Variants in RASGEF1C observed in about 807,000 individuals in gnomAD.
RASGEF1C encodes the protein ras-GEF domain-containing family member 1C.
In RASGEF1C, 27 loss-of-function variants were observed where a neutral mutation model predicts 58.1. That is an observed-to-expected ratio of 0.46 (90% confidence interval 0.34 to 0.64). The LOEUF (loss-of-function observed/expected upper bound fraction) is 0.64. Among genes scored for constraint, RASGEF1C ranks in the 30% least tolerant of loss-of-function variants. The pLI is 0.01. For missense variants in RASGEF1C, 502 were observed against 605.1 expected (o/e 0.83, Z 1.79); for synonymous variants, 243 against 246.3 (o/e 0.99, Z 0.13).
At chr5:180,119,319 G>T (rs1398977631) in intron 8 of RASGEF1C, 27 bp downstream of exon 8, 3 of 1,582,728 alleles carry the variant, frequency 1.9e-6, no homozygotes, top group African/African-American at 1.3e-5. Context: ...GTGCACTGGG[G>T]GCCACAGGCC....
intron 1 of RASGEF1C, among the ~76,000 whole-genome samples, chr5:180,170,240 C>T (rs569499066): frequency 1.3e-5 from 2 of 152,288 alleles, no homozygotes; most frequent in African/African-American, 4.8e-5. Flanking sequence ...AGGGGAGGGG[C>T]CGAGAGCTCA....
chr5:180,131,339 G>A (rs371074693), intron 4 of RASGEF1C, among the ~76,000 whole-genome samples: 104 of 152,012 alleles, frequency 6.8e-4, no homozygotes, highest in African/African-American at 2.3e-3. Context: ...TCACTCCTCC[G>A]CCCCTTTGAC....
chr5:180,130,708 C>T (rs1766352333), intron 4 of RASGEF1C, among the ~76,000 whole-genome samples: 1 of 152,236 alleles, frequency 6.6e-6, no homozygotes, highest in South Asian at 2.1e-4. Flanking sequence ...CCTGTGTTCA[C>T]TGTCGTGAGA....
At position 180,115,324 on chromosome 5, in the gene RASGEF1C, CCT is replaced by C. The variant is rs140898338; in HGVS notation, c.1084-785_1084-784del. 1,176 of 430,446 alleles carry C rather than the reference CCT, an allele frequency of 2.7e-3. 14 individuals are homozygous for C. The highest frequency in any genetic ancestry group is 0.019 in the African/African-American group (888 of 47,982). The allele number at this position is 430,446 out of a possible 1,614,324, so 26.7% of individuals were successfully genotyped here. ...AAAAAAAAATTTAACAATTTGTCCC[CCT>C]CTGTCTTTCTTGATGCTAAGATCTG... On this transcript the variant is annotated intron_variant, in intron 10 of 13. Transcript: ENST00000361132.
At chr5:180,182,097 C>A (rs915345823) in intron 1 of RASGEF1C, among the ~76,000 whole-genome samples, 3 of 149,672 alleles carry the variant, frequency 2.0e-5, no homozygotes, top group Non-Finnish European at 3.0e-5. Context: ...CCCAGCTACA[C>A]GGGAGGCTGA....
At chr5:180,152,645 A>G (rs1223398628) in intron 1 of RASGEF1C, among the ~76,000 whole-genome samples, 1 of 151,380 alleles carries the variant, frequency 6.6e-6, no homozygotes, top group Non-Finnish European at 1.5e-5. Flanking sequence ...GCACACCAAC[A>G]TGGCACATGT....
Position 180,137,950 on chromosome 5 carries a change from C to T in RASGEF1C, c.103G>A (p.Asp35Asn). The change falls in exon 2 of 14, where the codon GAT (aspartate) becomes AAT (asparagine). Residue 35 changes from aspartate (D) to asparagine (N), a missense_variant. By Grantham distance (23) the Asp-to-Asn change is conservative. Transcript: ENST00000361132. The surrounding 1 kb of genome is among the most constrained non-coding windows in gnomAD (Gnocchi z 4.1). Reference protein sequence around the residue: ...DGEQAGQPLLDGAPSSASLET... With the variant: ...DGEQAGQPLLNGAPSSASLET... ...AGGGAGGCTGAGGATGGCGCTCCAT[C>T]CAGGAGGGGCTGCCCAGCCTGTTCG... 6.2e-7 allele frequency: 1 copy of T among 1,612,236 alleles called. No homozygotes were observed. The highest frequency in any genetic ancestry group is 1.1e-5 in the South Asian group (1 of 90,980).
At chr5:180,181,295 G>T (rs1484031071) in intron 1 of RASGEF1C, among the ~76,000 whole-genome samples, 2 of 152,238 alleles carry the variant, frequency 1.3e-5, no homozygotes, top group African/African-American at 2.4e-5. Flanking sequence ...TAATACTGTA[G>T]TGTGGGGTTT....
intron 4 of RASGEF1C, 75 bp downstream of exon 4, chr5:180,136,303 G>A (rs377211128): frequency 1.4e-6 from 2 of 1,411,350 alleles, no homozygotes; most frequent in Non-Finnish European, 1.9e-6. Context: ...AGGGCCCTGG[G>A]GTGCGGGCCG....
In RASGEF1C at chr5:180,137,570, T is replaced by C; in HGVS notation, c.300+20A>G. 1 of 1,604,594 alleles carries C rather than the reference T, an allele frequency of 6.2e-7. No individual in the cohort carries two copies. On this transcript the variant is annotated intron_variant, in intron 3 of 13. Coordinates refer to ENST00000361132, the MANE Select transcript of RASGEF1C (RefSeq NM_175062.4). The surrounding 1 kb of genome is among the most constrained non-coding windows in gnomAD (Gnocchi z 4.1). ...AGTGCTGGTACACTCTGAGACCCCC[T>C]GGCCTGCCCTCCGCCTCACCTTGTC...
intron 12 of RASGEF1C, among the ~76,000 whole-genome samples, chr5:180,106,928 T>C (rs1464907876): frequency 6.6e-6 from 1 of 152,244 alleles, no homozygotes; most frequent in Non-Finnish European, 1.5e-5. Context: ...AGCTTTTGCT[T>C]AATGAATTTT....
At chr5:180,127,471 T>G in intron 6 of RASGEF1C, 138 bp downstream of exon 6, 3 of 657,760 alleles carry the variant, frequency 4.6e-6, no homozygotes, top group Non-Finnish European at 4.8e-6. Flanking sequence ...CGTGGCGGAG[T>G]GGGCAGGGCC....
At chr5:180,148,301 A>C (rs1561743329) in intron 1 of RASGEF1C, among the ~76,000 whole-genome samples, 1 of 152,142 alleles carries the variant, frequency 6.6e-6, no homozygotes, top group Non-Finnish European at 1.5e-5. Flanking sequence ...CCATTCTGCC[A>C]ATCTTTGTCT....
intron 6 of RASGEF1C, among the ~76,000 whole-genome samples, chr5:180,123,114 G>A (rs916740174): frequency 3.3e-5 from 5 of 152,200 alleles, no homozygotes; most frequent in African/African-American, 1.2e-4. Context: ...AAAAGACCCT[G>A]AGGCAAAAAG....
At chr5:180,138,769 G>C (rs535726768) in intron 1 of RASGEF1C, among the ~76,000 whole-genome samples, 8 of 152,252 alleles carry the variant, frequency 5.3e-5, no homozygotes, top group African/African-American at 1.7e-4. Context: ...ACACCCCATT[G>C]CTCTTGGCAC....
At chr5:180,144,386 G>A (rs1353761779) in intron 1 of RASGEF1C, among the ~76,000 whole-genome samples, 17 of 152,200 alleles carry the variant, frequency 1.1e-4, no homozygotes. Flanking sequence ...TTCTGCCCTT[G>A]CTTGAATATG....
chr5:180,107,869 GC>G (rs1396471972), intron 12 of RASGEF1C, among the ~76,000 whole-genome samples: 1 of 152,206 alleles, frequency 6.6e-6, no homozygotes, highest in Non-Finnish European at 1.5e-5. Context: ...CAAACCACCT[GC>G]CTCAGCCTCC....
At chr5:180,182,207 A>AG (rs1767348933) in intron 1 of RASGEF1C, among the ~76,000 whole-genome samples, 1 of 137,094 alleles carries the variant, frequency 7.3e-6, no homozygotes, top group Admixed American at 7.1e-5. Flanking sequence ...TCCGTCTCAA[A>AG]AAAAAAAAAA....
rs551352606 is a variant in RASGEF1C at position 180,168,288 on chromosome 5, C to T, written c.-6-30230G>A. On this transcript the variant is annotated intron_variant, in intron 1 of 13. Coordinates refer to ENST00000361132, the MANE Select transcript of RASGEF1C (RefSeq NM_175062.4). This position sits in a 1 kb window ranked among gnomAD's most constrained non-coding sequence, Gnocchi z 6.0. ...TCTACTTAAAAAAATACAAAATTAGCCGAGCCTGGTGGTGCATGCCTGTAA... is the reference window on the plus strand; with the variant it reads ...TCTACTTAAAAAAATACAAAATTAGTCGAGCCTGGTGGTGCATGCCTGTAA... 2.6e-5 allele frequency among the ~76,000 whole-genome samples: 4 copies of T among 152,174 alleles called. No individual in the cohort carries two copies. The South Asian group carries it at 6.2e-4, about 24-fold the overall frequency.
Sources: gnomAD v4.1 joint callset for allele counts (sites outside exome capture counted in the v4.1 genomes callset) on GRCh38, gnomAD v4.1.1 for gene constraint, Gnocchi (gnomAD v3.1) non-coding constraint, MANE v1.5 for transcripts, NCBI Gene and HGNC (gene_info 2026-07-23, HGNC 2026-07-21) for gene names.